WIPI1: variants seen among roughly 807,000 people sequenced by gnomAD.
The protein encoded by WIPI1 is WD repeat domain, phosphoinositide interacting 1.
Under a neutral mutation model 55.3 loss-of-function variants are expected in WIPI1, and 45 were observed. The ratio of observed to expected loss-of-function variants is 0.81; its 90% CI spans 0.64 to 1.04. WIPI1 has a LOEUF of 1.04. Ranked by LOEUF, WIPI1 falls within the 50% of genes least tolerant of loss-of-function variation. WIPI1 has a pLI of 0.00. For synonymous variants in WIPI1, 195 were observed against 217.6 expected, an observed-to-expected ratio of 0.90 and a Z score of 0.92; for missense variants, 445 against 559.0, an observed-to-expected ratio of 0.80 and a Z score of 2.06.
chr17:68,452,986 T>C lies in WIPI1; in HGVS notation c.87A>G (p.Leu29=). The change falls in exon 2 of 13, where the codon CTA becomes CTG. Residue 29 remains leucine (L), a synonymous_variant. Transcript: ENST00000262139. The stretch of plus-strand genomic sequence containing the variant: ...TATACCCGGCTTTAGTTCCAGTTGC[T>C]AGGGATCTGTGGAGGATAATGACAG... ...CFSFNQDCTS[L]ATGTKAGYKL... 2 of 1,613,100 alleles carry C rather than the reference T, an allele frequency of 1.2e-6. No homozygotes were observed. Among genetic ancestry groups the C allele is most frequent in the East Asian group, 2.2e-5 (1 of 44,870 alleles).
Position 68,427,175 on chromosome 17 carries a change from G to A in WIPI1, c.1152C>T (p.Thr384=), listed in dbSNP as rs763373535. ...CTGAAGATGCACTTGGTCTGGCTAC[G>A]GTCGCTGCATAAGACTGAGGTAAGG... ...RPSLPQSYAA[T]VARPSASSAS... Residue 384 remains threonine (T), a synonymous_variant, in exon 11 of 13, where the codon ACC becomes ACT. Coordinates refer to ENST00000262139, the MANE Select transcript of WIPI1 (RefSeq NM_017983.7). 23 of 1,614,000 alleles carry A rather than the reference G, an allele frequency of 1.4e-5. 1 individual carries two copies. In the East Asian group the frequency reaches 2.2e-4, roughly 16 times the overall value.
chr17:68,425,573 C>G (rs970350125), intron 12 of WIPI1, among the ~76,000 whole-genome samples: 5 of 152,000 alleles, frequency 3.3e-5, no homozygotes, highest in African/African-American at 1.2e-4. Flanking sequence ...GGTCTGCCGG[C>G]CAGAGCTGCA....
In WIPI1 at chr17:68,421,616, G is replaced by T; in HGVS notation, c.*157C>A. On this transcript the variant is annotated 3_prime_UTR_variant, in exon 13 of 13. Coordinates refer to ENST00000262139, the MANE Select transcript of WIPI1 (RefSeq NM_017983.7). ...CAACCAGGGTCGTGGGAAGCTTGGTGAGGAGTTAACCAGGTCCTGTGGTTT... is the reference window on the plus strand; with the variant it reads ...CAACCAGGGTCGTGGGAAGCTTGGTTAGGAGTTAACCAGGTCCTGTGGTTT... 2 of 980,626 alleles carry T rather than the reference G, an allele frequency of 2.0e-6. No individual in the cohort carries two copies. The highest frequency in any genetic ancestry group is 3.1e-6 in the Non-Finnish European group (2 of 636,098). The allele number at this position is 980,626 out of a possible 1,614,324, so 60.7% of individuals were successfully genotyped here. A position where few individuals can be genotyped will look rare whatever the true frequency, so the allele number is the denominator to read the frequency against.
chr17:68,438,826 G>A (rs747132293), intron 4 of WIPI1, among the ~76,000 whole-genome samples: 4 of 152,100 alleles, frequency 2.6e-5, no homozygotes, highest in Non-Finnish European at 5.9e-5. Flanking sequence ...TCTCGAACTC[G>A]TGACCTCAGG....
intron 4 of WIPI1, among the ~76,000 whole-genome samples, chr17:68,440,259 A>G (rs1026351732): frequency 5.9e-5 from 9 of 152,198 alleles, no homozygotes; most frequent in African/African-American, 1.9e-4. Context: ...TGACTTCCCT[A>G]TGGCCCAAGT....
intron 4 of WIPI1, 92 bp downstream of exon 4, chr17:68,444,401 T>C (rs1055494146): frequency 1.2e-5 from 14 of 1,181,722 alleles, no homozygotes; most frequent in Non-Finnish European, 1.7e-5. Flanking sequence ...CAAACACTGC[T>C]TCACGTTCGC....
chr17:68,437,546 T>C lies in WIPI1; in HGVS notation c.431-1067A>G, dbSNP rs114644993. On this transcript the variant is annotated intron_variant, in intron 4 of 12. Coordinates refer to ENST00000262139, the MANE Select transcript of WIPI1 (RefSeq NM_017983.7). ...TCCAGCCTGGGTGAGAGTGAGGTTCTGTCTTAAGAAAAAAAAAAAAAGAAA... is the reference window on the plus strand; with the variant it reads ...TCCAGCCTGGGTGAGAGTGAGGTTCCGTCTTAAGAAAAAAAAAAAAAGAAA... Among the ~76,000 whole-genome samples the C allele has an allele frequency of 8.5e-3, 1,282 of 151,070 alleles. 20 individuals carry two copies. The highest frequency in any genetic ancestry group is 0.027 in the African/African-American group (1,109 of 41,094).
At chr17:68,431,456 G>A (rs2083507376) in intron 8 of WIPI1, among the ~76,000 whole-genome samples, 1 of 152,084 alleles carries the variant, frequency 6.6e-6, no homozygotes. Flanking sequence ...GGTGGTGGCT[G>A]CTGGGCTCTG....
chr17:68,424,288 T>A (rs917890975), intron 12 of WIPI1, among the ~76,000 whole-genome samples: 2 of 152,190 alleles, frequency 1.3e-5, no homozygotes, highest in African/African-American at 4.8e-5. Flanking sequence ...AAGCTCACGC[T>A]GCGACCGACC....
intron 8 of WIPI1, among the ~76,000 whole-genome samples, chr17:68,430,705 T>C (rs1357481215): frequency 6.6e-6 from 1 of 152,208 alleles, no homozygotes; most frequent in African/African-American, 2.4e-5. Context: ...GGACCTGGGA[T>C]GTCGCCTACA....
intron 1 of WIPI1, 94 bp from the exon 2 acceptor site, chr17:68,453,086 G>T (rs1441747387): frequency 2.0e-6 from 2 of 979,742 alleles, no homozygotes; most frequent in Non-Finnish European, 3.2e-6. Flanking sequence ...AGCCTCAGGG[G>T]TACAGTAAAC....
intron 12 of WIPI1, chr17:68,424,350 G>A (rs2083007272): frequency 2.0e-6 from 1 of 492,890 alleles, no homozygotes; most frequent in South Asian, 1.5e-5. Flanking sequence ...CCTGCATGCA[G>A]GGCCCCACCG....
Position 68,457,404 on chromosome 17 carries a change from C to G in WIPI1, c.18G>C (p.Ala6=). The change falls in exon 1 of 13, where the codon GCG becomes GCC. Residue 6 remains alanine (A), a synonymous_variant. Coordinates refer to ENST00000262139, the MANE Select transcript of WIPI1 (RefSeq NM_017983.7). MEAEA[A]DAPPGGVESA... ...ACTCAACCCCGCCCGGGGGAGCGTC[C>G]GCGGCCTCGGCCTCCATCGGGGGCT... 1 of 1,525,362 alleles carries G rather than the reference C, an allele frequency of 6.6e-7. No individual in the cohort carries two copies. Among genetic ancestry groups the G allele is most frequent in the Non-Finnish European group, 8.8e-7 (1 of 1,137,692 alleles). 94.5% of individuals were successfully genotyped at this position (1,525,362 alleles called of 1,614,324 possible).
chr17:68,433,779 T>TGTTTTG (rs1568633042), intron 7 of WIPI1, among the ~76,000 whole-genome samples: 1 of 70,520 alleles, frequency 1.4e-5, no homozygotes, highest in African/African-American at 4.4e-5. Flanking sequence ...TTTTTTTTTT[T>TGTTTTG]TTTTTTTTTT....
chr17:68,435,978 G>A (rs764889605), intron 5 of WIPI1, among the ~76,000 whole-genome samples: 34 of 152,224 alleles, frequency 2.2e-4, no homozygotes, highest in African/African-American at 3.4e-4. Flanking sequence ...TGATGCCGTC[G>A]CAGGCGCGCC....
chr17:68,424,844 T>G (rs943055822), intron 12 of WIPI1, among the ~76,000 whole-genome samples: 3 of 152,204 alleles, frequency 2.0e-5, no homozygotes, highest in Non-Finnish European at 4.4e-5. Flanking sequence ...ACCACTGCAC[T>G]CCAGCCTGGG....
rs1313631652 is a variant in WIPI1, at chr17:68,435,535, A to T, written c.621+85T>A. 3.8e-6 allele frequency: 5 copies of T among 1,325,000 alleles called. No homozygotes were observed. The Admixed American group carries it at 8.5e-5, about 22-fold the overall frequency. The allele number at this position is 1,325,000 out of a possible 1,614,324, so 82.1% of individuals were successfully genotyped here. On this transcript the variant is annotated intron_variant, in intron 6 of 12. Transcript: ENST00000262139. ...CCAGAGACCAGTCAGTCTTCATGTC[A>T]CCAGGTTTGTTCAATCCCATCCCTG... is the stretch of plus-strand genomic sequence containing the variant.
intron 1 of WIPI1, among the ~76,000 whole-genome samples, chr17:68,454,220 C>T (rs557992043): frequency 2.0e-5 from 3 of 152,330 alleles, no homozygotes; most frequent in Non-Finnish European, 2.9e-5. Context: ...CAGCTGTGCC[C>T]TCCGCACCTA....
At chr17:68,436,618 C>T (rs1388716635) in intron 4 of WIPI1, 139 bp from the exon 5 acceptor site, 20 of 697,706 alleles carry the variant, frequency 2.9e-5, no homozygotes, top group East Asian at 1.4e-4. Context: ...AACTGCTTTC[C>T]GCTGATGATT....
Sources: allele counts gnomAD v4.1 joint callset (sites outside exome capture counted in the v4.1 genomes callset), GRCh38; gene constraint gnomAD v4.1.1; transcripts MANE v1.5; gene names NCBI Gene and HGNC (gene_info 2026-07-23, HGNC 2026-07-21).